INTS6: variants seen among roughly 807,000 people sequenced by gnomAD.
INTS6 encodes DEAD box protein.
Under a neutral mutation model 104.9 loss-of-function variants are expected in INTS6, and 16 were observed. The ratio of observed to expected loss-of-function variants is 0.15; its 90% confidence interval spans 0.10 to 0.23. INTS6 has a LOEUF of 0.23. Ranked by LOEUF, INTS6 falls within the 10% of genes least tolerant of loss-of-function variation. The probability of loss-of-function intolerance (pLI) is 1.00; values close to 1 mark genes in which losing one functional copy is unlikely to be tolerated. For missense variants in INTS6, 584 were observed against 1,062.8 expected, an observed-to-expected ratio of 0.55 and a Z score of 6.26; for synonymous variants, 324 against 358.7, an observed-to-expected ratio of 0.90 and a Z score of 1.09.
intron 4 of INTS6, among the ~76,000 whole-genome samples, chr13:51,395,798 T>C (rs1956324882): frequency 6.6e-6 from 1 of 152,192 alleles, no homozygotes; most frequent in Admixed American, 6.5e-5. Context: ...AAAACAACCC[T>C]GTGATAGATA....
chr13:51,443,349 CA>C (rs1422176075), intron 3 of INTS6: 1 of 152,030 alleles, frequency 6.6e-6, no homozygotes, highest in African/African-American at 2.4e-5. Flanking sequence ...TGCAAATGTT[CA>C]ATTTTTTTAA....
chr13:51,442,428 G>C (rs746311046), intron 3 of INTS6: 3 of 152,242 alleles, frequency 2.0e-5, no homozygotes, highest in African/African-American at 7.2e-5. Flanking sequence ...ATGAACCATC[G>C]CATCTGGCCA....
chr13:51,346,363 C>G, the INTS6 span, among the ~76,000 whole-genome samples: 3,502 of 152,228 alleles, frequency 0.023, 59 homozygotes, highest in South Asian at 0.056. Context: ...CCCATCACAG[C>G]ACATACTCCT....
intron 4 of INTS6, among the ~76,000 whole-genome samples, chr13:51,429,632 C>T (rs1355117865): frequency 1.3e-5 from 2 of 151,332 alleles, no homozygotes; most frequent in Non-Finnish European, 3.0e-5. Flanking sequence ...GACATGGTGG[C>T]TCATGCCTGT....
At chr13:51,358,378 G>A (rs115472330), downstream of INTS6, among the ~76,000 whole-genome samples, 1,287 of 152,244 alleles carry the variant, frequency 8.5e-3, 16 homozygotes, top group African/African-American at 0.029. Flanking sequence ...TTTATACAAC[G>A]TCATGTTTTG....
intron 15 of INTS6, 43 bp downstream of exon 15, chr13:51,374,165 C>A (rs1311963550): frequency 6.7e-7 from 1 of 1,501,358 alleles, no homozygotes; most frequent in Admixed American, 1.7e-5. Flanking sequence ...TGAAAAGGAA[C>A]CAAAAGGCAG....
intron 12 of INTS6, among the ~76,000 whole-genome samples, chr13:51,377,124 C>G (rs1267841960): frequency 6.6e-6 from 1 of 151,934 alleles, no homozygotes; most frequent in Non-Finnish European, 1.5e-5. Context: ...TTTGCATTTC[C>G]CTAATGGCTG....
chr13:51,448,156 A>G (rs1190147666), intron 3 of INTS6: 1 of 152,242 alleles, frequency 6.6e-6, no homozygotes. Context: ...GACCTCTCAC[A>G]TTTTATACAT....
intron 3 of INTS6, chr13:51,440,493 T>C (rs1952775481): frequency 6.6e-6 from 1 of 152,202 alleles, no homozygotes; most frequent in African/African-American, 2.4e-5. Flanking sequence ...TCTACAGCAG[T>C]GTACTGTCCC....
At chr13:51,347,233 C>T in the INTS6 span, 20 of 1,612,812 alleles carry the variant, frequency 1.2e-5, no homozygotes, top group African/African-American at 9.3e-5. Flanking sequence ...AGGTCAACTA[C>T]GGTGAGCTCT....
At chr13:51,361,536 G>A, downstream of INTS6, 2 of 592,920 alleles carry the variant, frequency 3.4e-6, no homozygotes. Context: ...AAAAATGACG[G>A]GGAAGAAGAG....
At chr13:51,340,113 G>A in the INTS6 span, among the ~76,000 whole-genome samples, 1 of 152,328 alleles carries the variant, frequency 6.6e-6, no homozygotes, top group South Asian at 2.1e-4. Flanking sequence ...GTGAGTTGGA[G>A]AGAGTGAGTG....
intron 7 of INTS6, chr13:51,384,694 C>A (rs1198530213): frequency 2.2e-6 from 1 of 456,704 alleles, no homozygotes; most frequent in Admixed American, 2.3e-5. Flanking sequence ...CCATATTTAA[C>A]TGTCACAAAG....
intron 3 of INTS6, among the ~76,000 whole-genome samples, chr13:51,430,630 T>C (rs1162449126): frequency 6.6e-6 from 1 of 152,204 alleles, no homozygotes; most frequent in Non-Finnish European, 1.5e-5. Context: ...AATTTGTGTA[T>C]TGCTTTCATT....
At chr13:51,423,847 TA>T (rs1157012846) in intron 4 of INTS6, among the ~76,000 whole-genome samples, 8 of 151,920 alleles carry the variant, frequency 5.3e-5, no homozygotes, top group African/African-American at 1.9e-4. Flanking sequence ...TTGTGTAGCT[TA>T]AAAAAAATTG....
chr13:51,383,272 C>G (rs893013399), intron 9 of INTS6, 57 bp downstream of exon 9: 2 of 1,434,308 alleles, frequency 1.4e-6, no homozygotes, highest in African/African-American at 2.9e-5. Context: ...CAAAGAAATG[C>G]GCTTTAGGAG....
intron 3 of INTS6, chr13:51,441,031 C>T (rs1252910235): frequency 5.3e-5 from 8 of 152,198 alleles, no homozygotes; most frequent in Non-Finnish European, 1.2e-4. Flanking sequence ...GCCAGGCAGG[C>T]ACTTTTGCTA....
chr13:51,440,255 A>T (rs1395588226), intron 3 of INTS6: 1 of 152,062 alleles, frequency 6.6e-6, no homozygotes, highest in African/African-American at 2.4e-5. Context: ...CATCTCAAAA[A>T]AAAAAAAAGT....
chr13:51,362,938 T>C lies in INTS6; in HGVS notation c.*2814A>G, dbSNP rs1183824535. 6.6e-6 allele frequency: 1 copy of C among 152,174 alleles called. No individual in the cohort carries two copies. The highest frequency in any genetic ancestry group is 1.5e-5 in the Non-Finnish European group (1 of 67,908). 9.4% of individuals were successfully genotyped at this position (152,174 alleles called of 1,614,324 possible). On this transcript the variant is annotated 3_prime_UTR_variant, in exon 18 of 18. Transcript: ENST00000311234. ...AGTATGTCTTCCTAGTATTTCACCATGATCATCCCAACCACATAACGATTA... is the reference window on the plus strand; with the variant it reads ...AGTATGTCTTCCTAGTATTTCACCACGATCATCCCAACCACATAACGATTA...
Sources: allele counts gnomAD v4.1 joint callset (sites outside exome capture counted in the v4.1 genomes callset), GRCh38; gene constraint gnomAD v4.1.1; transcripts MANE v1.5; gene names NCBI Gene and HGNC (gene_info 2026-07-23, HGNC 2026-07-21).